Variants in MYO16 observed in about 807,000 individuals in gnomAD.
MYO16 encodes myosin XVI.
A neutral mutation model predicts 205.3 loss-of-function variants in MYO16; 94 were observed. That is an observed-to-expected ratio of 0.46 (90% CI 0.39 to 0.54). The LOEUF is 0.54. Among genes scored for constraint, MYO16 ranks in the 20% least tolerant of loss-of-function variants. MYO16 has a pLI of 0.00. For missense variants in MYO16, 2,315 were observed against 2,387.5 expected, an observed-to-expected ratio of 0.97 and a Z score of 0.63; for synonymous variants, 988 against 954.0, an observed-to-expected ratio of 1.04 and a Z score of -0.66.
chr13:108,767,338 G>A (rs1219407651), intron 4 of MYO16, among the ~76,000 whole-genome samples: 2 of 152,092 alleles, frequency 1.3e-5, no homozygotes, highest in Non-Finnish European at 2.9e-5. Context: ...TCCTGACCTC[G>A]TGATCCATCC....
chr13:108,633,497 A>G (rs1880081345), intron 1 of MYO16, among the ~76,000 whole-genome samples: 1 of 152,186 alleles, frequency 6.6e-6, no homozygotes, highest in Non-Finnish European at 1.5e-5. Context: ...TGGTTCTTCC[A>G]TGTTCCTCTG....
chr13:108,838,753 TAC>T lies in MYO16; in HGVS notation c.1098-5578_1098-5577del, dbSNP rs373261668. 2.3e-4 allele frequency among the ~76,000 whole-genome samples: 18 copies of T among 76,896 alleles called. 1 individual carries two copies. The highest frequency in any genetic ancestry group is 6.4e-4 in the African/African-American group (13 of 20,428). The allele number at this position is 76,896 out of a possible 152,430, so 50.4% of individuals were successfully genotyped here. A position where few individuals can be genotyped will look rare whatever the true frequency, so the allele number is the denominator to read the frequency against. ...ACTATATATATACACTATATATATA[TAC>T]ACACACACACAAATGCACACACACA... On this transcript the variant is annotated intron_variant, in intron 9 of 34. Transcript: ENST00000457511.
intron 14 of MYO16, among the ~76,000 whole-genome samples, chr13:108,888,959 G>A (rs1880034517): frequency 6.6e-6 from 1 of 152,266 alleles, no homozygotes; most frequent in South Asian, 2.1e-4. Flanking sequence ...GGAGGCTGAG[G>A]CAGGAGAATT....
chr13:108,519,736 A>G, the MYO16 span, among the ~76,000 whole-genome samples: 3 of 152,102 alleles, frequency 2.0e-5, no homozygotes, highest in Non-Finnish European at 4.4e-5. Flanking sequence ...CTATCTAAGC[A>G]TTATGCAAAA....
chr13:109,174,748 C>CTTTTTTTTT (rs34606084), intron 33 of MYO16, among the ~76,000 whole-genome samples: 2 of 85,630 alleles, frequency 2.3e-5, no homozygotes, highest in African/African-American at 4.0e-5. Context: ...CTTGTCTTGT[C>CTTTTTTTTT]TTTTTTTTTT....
At chr13:109,137,050 A>G (rs192454620) in intron 31 of MYO16, among the ~76,000 whole-genome samples, 1 of 152,160 alleles carries the variant, frequency 6.6e-6, no homozygotes, top group Non-Finnish European at 1.5e-5. Flanking sequence ...TGGAAGTCAT[A>G]GTCAATTACA....
chr13:108,608,799 T>C (rs970052731), intron 1 of MYO16, among the ~76,000 whole-genome samples: 1 of 151,984 alleles, frequency 6.6e-6, no homozygotes, highest in African/African-American at 2.4e-5. Context: ...TGCACCACCA[T>C]GCCCAGCTAA....
intron 23 of MYO16, among the ~76,000 whole-genome samples, chr13:109,035,059 G>C (rs1008453684): frequency 1.3e-5 from 2 of 152,134 alleles, no homozygotes; most frequent in East Asian, 3.9e-4. Flanking sequence ...CTTAACCCTT[G>C]GTCTATTGTT....
chr13:108,598,118 G>C (rs1040725203), intron 1 of MYO16, among the ~76,000 whole-genome samples: 3 of 152,206 alleles, frequency 2.0e-5, no homozygotes, highest in African/African-American at 7.2e-5. Context: ...AAAGGGGGCA[G>C]AGATCAATAT....
At position 108,896,423 on chromosome 13, in the gene MYO16, T is replaced by A. The variant is rs567011821; in HGVS notation, c.1660-1593T>A. ...CTATCATCACTGCTATCAATTTACTTTTATCATCTTTAAAATTAGATTATT... is the reference window on the plus strand; with the variant it reads ...CTATCATCACTGCTATCAATTTACTATTATCATCTTTAAAATTAGATTATT... On this transcript the variant is annotated intron_variant, in intron 14 of 34. Transcript: ENST00000457511. Among the ~76,000 whole-genome samples the A allele has an allele frequency of 3.3e-5, 5 of 152,270 alleles. No individual in the cohort carries two copies. The South Asian group carries it at 1.0e-3, about 32-fold the overall frequency.
At chr13:108,689,012 G>T (rs1351595397) in intron 2 of MYO16, among the ~76,000 whole-genome samples, 1 of 152,102 alleles carries the variant, frequency 6.6e-6, no homozygotes, top group Non-Finnish European at 1.5e-5. Context: ...ACTGTCAAGG[G>T]ATCACTGTAA....
At chr13:108,897,190 A>G (rs1880465034) in intron 14 of MYO16, among the ~76,000 whole-genome samples, 1 of 152,164 alleles carries the variant, frequency 6.6e-6, no homozygotes, top group African/African-American at 2.4e-5. Flanking sequence ...CTATCATGCA[A>G]GAGATACCCT....
the MYO16 span, among the ~76,000 whole-genome samples, chr13:108,506,532 T>A: frequency 0.13 from 19,518 of 145,568 alleles, 1,409 homozygotes; most frequent in East Asian, 0.26. Context: ...CTTTAGTGAT[T>A]TCATTTATTA....
chr13:108,605,048 A>G (rs1286473868), intron 1 of MYO16, among the ~76,000 whole-genome samples: 1 of 152,166 alleles, frequency 6.6e-6, no homozygotes, highest in Non-Finnish European at 1.5e-5. Context: ...TCTGTGGGAA[A>G]CAAACCATAT....
At chr13:108,546,476 C>A in the MYO16 span, among the ~76,000 whole-genome samples, 3 of 152,092 alleles carry the variant, frequency 2.0e-5, no homozygotes, top group African/African-American at 7.2e-5. Flanking sequence ...TTTAGAGAAT[C>A]TATTTCTCTC....
chr13:108,564,362 G>A, the MYO16 span, among the ~76,000 whole-genome samples: 2 of 151,808 alleles, frequency 1.3e-5, no homozygotes, highest in African/African-American at 2.4e-5. Flanking sequence ...GTAGAGACGC[G>A]GTTTCGCCAT....
Position 109,141,228 on chromosome 13 carries a change from C to G in MYO16, c.5016C>G (p.Ala1672=), listed in dbSNP as rs994964530. ...CCACCAGGGCGGACGCCAGGAAGGC[C>G]GGCTCCAGTGCCTCGCCCCCCGCGC... is the stretch of plus-strand genomic sequence containing the variant. ...VKATRADARK[A]GSSASPPAPY... Residue 1672 remains alanine, a synonymous_variant, in exon 32 of 35, where the codon GCC becomes GCG. Coordinates refer to ENST00000457511, the MANE Select transcript of MYO16 (RefSeq NM_001198950.3). This position sits in a 1 kb window ranked among gnomAD's most constrained non-coding sequence, Gnocchi z 4.1. 1 of 1,606,730 alleles carries G rather than the reference C, an allele frequency of 6.2e-7. No individual in the cohort carries two copies. Among genetic ancestry groups the G allele is most frequent in the Non-Finnish European group, 8.5e-7 (1 of 1,176,642 alleles).
the MYO16 span, among the ~76,000 whole-genome samples, chr13:108,524,135 A>G: frequency 3.5e-5 from 1 of 28,904 alleles, no homozygotes; most frequent in Admixed American, 2.3e-4. Flanking sequence ...CATCTCTACT[A>G]AAAATACAAA....
Position 109,083,947 on chromosome 13 carries a change from T to C in MYO16, c.3336-16838T>C, listed in dbSNP as rs8002081. Among the ~76,000 whole-genome samples the C allele has an allele frequency of 5.9e-3, 898 of 152,344 alleles. 10 individuals are homozygous for C. The highest frequency in any genetic ancestry group is 0.02 in the African/African-American group (843 of 41,580). On this transcript the variant is annotated intron_variant, in intron 27 of 34. Coordinates refer to ENST00000457511, the MANE Select transcript of MYO16 (RefSeq NM_001198950.3). ...TGTGGTCGTATGCAGTATGTATCTT[T>C]CTATTGCAACACATATATAATGCAT... is the stretch of plus-strand genomic sequence containing the variant.
Sources: gnomAD v4.1 joint callset for allele counts (sites outside exome capture counted in the v4.1 genomes callset) on GRCh38, gnomAD v4.1.1 for gene constraint, Gnocchi (gnomAD v3.1) non-coding constraint, MANE v1.5 for transcripts, NCBI Gene and HGNC (gene_info 2026-07-23, HGNC 2026-07-21) for gene names.